The following PPM1D variants were observed in gnomAD, a reference collection of about 807,000 sequenced individuals.
PPM1D encodes the protein protein phosphatase 1D.
A neutral mutation model predicts 58.3 loss-of-function variants in PPM1D; 52 were observed. That is an observed-to-expected ratio of 0.89 (90% CI 0.71 to 1.12). PPM1D has a LOEUF of 1.12. Among genes scored for constraint, PPM1D ranks in the 50% most tolerant of loss-of-function variants. The pLI, the probability that PPM1D is intolerant of heterozygous loss-of-function variation, is 0.00. For synonymous variants in PPM1D, 278 were observed against 285.1 expected, an observed-to-expected ratio of 0.98 and a Z score of 0.25; for missense variants, 564 against 777.2, an observed-to-expected ratio of 0.73 and a Z score of 3.26.
At chr17:60,629,943 G>A (rs1426814478) in intron 2 of PPM1D, among the ~76,000 whole-genome samples, 1 of 152,182 alleles carries the variant, frequency 6.6e-6, no homozygotes, top group Admixed American at 6.5e-5. Context: ...GGGAGGCTGA[G>A]GGAGGAGAAT....
chr17:60,608,304 T>C (rs1040675754), intron 1 of PPM1D, among the ~76,000 whole-genome samples: 1 of 152,210 alleles, frequency 6.6e-6, no homozygotes, highest in Admixed American at 6.5e-5. Context: ...CTTTATATTA[T>C]GAAATATTCA....
intron 1 of PPM1D, among the ~76,000 whole-genome samples, chr17:60,616,267 G>A (rs952814961): frequency 7.0e-6 from 1 of 142,364 alleles, no homozygotes; most frequent in African/African-American, 2.7e-5. Flanking sequence ...TAGCCTGGGC[G>A]ACAGAGCAAG....
intron 4 of PPM1D, among the ~76,000 whole-genome samples, chr17:60,654,680 G>C (rs1486284021): frequency 6.6e-6 from 1 of 151,566 alleles, no homozygotes; most frequent in East Asian, 2.0e-4. Flanking sequence ...TGGCCAACGT[G>C]GTGAAACCCC....
intron 4 of PPM1D, among the ~76,000 whole-genome samples, chr17:60,654,149 T>C (rs1343750048): frequency 6.6e-6 from 1 of 152,040 alleles, no homozygotes; most frequent in Non-Finnish European, 1.5e-5. Context: ...CCATTCAGTA[T>C]TGATGTTGGC....
intron 1 of PPM1D, among the ~76,000 whole-genome samples, chr17:60,614,360 A>G (rs538757645): frequency 5.1e-4 from 77 of 152,252 alleles, no homozygotes; most frequent in Non-Finnish European, 6.8e-4. Context: ...AAATGCACCA[A>G]TCAGTGCTCT....
chr17:60,601,801 A>G lies in PPM1D; in HGVS notation c.472+915A>G, dbSNP rs139076981. On this transcript the variant is annotated intron_variant, in intron 1 of 5. Transcript: ENST00000305921. ...TTTTTTAAATGTTTGTAAAGCAGGC[A>G]GGATTTCTGTGCCCAACATTTACAG... Among the ~76,000 whole-genome samples, 39 of 152,340 alleles carry G rather than the reference A, an allele frequency of 2.6e-4. 1 individual carries two copies. The East Asian group carries it at 7.3e-3, about 29-fold the overall frequency.
intron 3 of PPM1D, among the ~76,000 whole-genome samples, chr17:60,637,809 G>T (rs1208097357): frequency 6.6e-6 from 1 of 152,126 alleles, no homozygotes; most frequent in East Asian, 1.9e-4. Flanking sequence ...AAGAGTTAGG[G>T]GATGTGAATG....
intron 2 of PPM1D, among the ~76,000 whole-genome samples, chr17:60,624,165 T>C (rs1404413856): frequency 6.6e-6 from 1 of 152,212 alleles, no homozygotes; most frequent in Non-Finnish European, 1.5e-5. Flanking sequence ...TTTCCAGTTA[T>C]TGTTTTCTTT....
intron 1 of PPM1D, among the ~76,000 whole-genome samples, chr17:60,604,172 A>G (rs917247869): frequency 1.9e-4 from 29 of 152,240 alleles, no homozygotes; most frequent in African/African-American, 6.8e-4. Context: ...ACATTTCATT[A>G]TACAATATCA....
chr17:60,647,867 T>G, intron 3 of PPM1D, 25 bp from the exon 4 acceptor site: 1 of 1,572,920 alleles, frequency 6.4e-7, no homozygotes, highest in Middle Eastern at 1.7e-4. Context: ...TAATACTTCT[T>G]GCTTTTTCTG....
In PPM1D at chr17:60,663,568, T is replaced by G; in HGVS notation, c.*16T>G. The G allele has an allele frequency of 6.3e-7, 1 of 1,595,458 alleles. No individual in the cohort carries two copies. The highest frequency in any genetic ancestry group is 1.7e-5 in the Admixed American group (1 of 58,894). On this transcript the variant is annotated 3_prime_UTR_variant, in exon 6 of 6. Transcript: ENST00000305921. ...TGTTTGCTGAAATGCATCTGGGAAA[T>G]GAGGTTTTTCCAAACTTAGGATATA...
chr17:60,655,508 C>T (rs1327584208), intron 4 of PPM1D, among the ~76,000 whole-genome samples: 1 of 152,064 alleles, frequency 6.6e-6, no homozygotes, highest in East Asian at 1.9e-4. Flanking sequence ...ACCACCATGC[C>T]TGACTAATTT....
chr17:60,600,625 G>A lies in PPM1D; in HGVS notation c.211G>A (p.Ala71Thr). The change falls in exon 1 of 6, where the codon GCA (alanine) becomes ACA (threonine). Residue 71 changes from alanine to threonine, a missense_variant. Physicochemically the swap from Ala to Thr is moderately conservative, Grantham distance 58. Coordinates refer to ENST00000305921, the MANE Select transcript of PPM1D (RefSeq NM_003620.4). ...GEVSGKGPAV[A>T]AREARDPLPD... is the part of the protein sequence containing the mutation. ...AGTCTCGGGGAAAGGCCCAGCGGTG[G>A]CAGCCCGAGAGGCTCGCGACCCTCT... 3 of 1,560,610 alleles carry A rather than the reference G, an allele frequency of 1.9e-6. No individual in the cohort carries two copies. The highest frequency in any genetic ancestry group is 2.6e-6 in the Non-Finnish European group (3 of 1,155,048).
At chr17:60,659,049 A>G (rs1384625930) in intron 5 of PPM1D, among the ~76,000 whole-genome samples, 1 of 152,246 alleles carries the variant, frequency 6.6e-6, no homozygotes, top group East Asian at 1.9e-4. Context: ...ATGCAGGTAT[A>G]GTTATTTGTT....
At chr17:60,623,828 A>G (rs1296302181) in intron 2 of PPM1D, 79 bp downstream of exon 2, 1 of 1,369,904 alleles carries the variant, frequency 7.3e-7, no homozygotes, top group South Asian at 1.4e-5. Flanking sequence ...TTGACCTACT[A>G]CTGTCCCTTT....
At chr17:60,658,580 G>A (rs556495847) in intron 5 of PPM1D, among the ~76,000 whole-genome samples, 15 of 150,948 alleles carry the variant, frequency 9.9e-5, no homozygotes, top group East Asian at 5.9e-4. Flanking sequence ...CCCAGGAGGC[G>A]GAGGTTGCGG....
At chr17:60,609,287 G>A (rs1406249038) in intron 1 of PPM1D, among the ~76,000 whole-genome samples, 1 of 151,298 alleles carries the variant, frequency 6.6e-6, no homozygotes, top group East Asian at 2.0e-4. Context: ...TAGAGATGGG[G>A]TTTCACCATG....
At chr17:60,631,476 T>C (rs2030918905) in intron 2 of PPM1D, among the ~76,000 whole-genome samples, 1 of 151,770 alleles carries the variant, frequency 6.6e-6, no homozygotes, top group African/African-American at 2.4e-5. Context: ...CCGTCTCTAC[T>C]AAAAATAAAA....
intron 3 of PPM1D, among the ~76,000 whole-genome samples, chr17:60,639,242 A>G (rs2031086735): frequency 6.6e-6 from 1 of 151,602 alleles, no homozygotes; most frequent in African/African-American, 2.4e-5. Context: ...CAGCTTCCCA[A>G]GTAGCTGGGA....
Sources: gnomAD v4.1 joint callset for allele counts (sites outside exome capture counted in the v4.1 genomes callset) on GRCh38, gnomAD v4.1.1 for gene constraint, MANE v1.5 for transcripts, NCBI Gene and HGNC (gene_info 2026-07-23, HGNC 2026-07-21) for gene names.